The following METAP1 variants were observed in gnomAD, a reference collection of about 807,000 sequenced individuals.
METAP1 encodes methionyl aminopeptidase 1.
A neutral mutation model predicts 53.8 loss-of-function variants in METAP1; 28 were observed. That is an observed-to-expected ratio of 0.52 (90% CI 0.39 to 0.71). The LOEUF is 0.71. Ranked by LOEUF, METAP1 falls within the 30% of genes least tolerant of loss-of-function variation. METAP1 has a pLI of 0.00. For synonymous variants in METAP1, 181 were observed against 165.7 expected (o/e 1.09, Z -0.71); for missense variants, 389 against 479.8 (o/e 0.81, Z 1.77).
At chr4:99,028,967 TG>T (rs1429776178) in intron 2 of METAP1, 49 bp downstream of exon 2, 7 of 1,285,780 alleles carry the variant, frequency 5.4e-6, no homozygotes, top group Non-Finnish European at 7.6e-6. Context: ...AAGTGGCATT[TG>T]TGCCAGAAAA....
chr4:99,000,879 GT>G (rs1722890612), intron 1 of METAP1, among the ~76,000 whole-genome samples: 1 of 151,854 alleles, frequency 6.6e-6, no homozygotes, highest in East Asian at 1.9e-4. Flanking sequence ...AATTTTTTGT[GT>G]TTTTGGTAGA....
intron 1 of METAP1, among the ~76,000 whole-genome samples, chr4:99,020,822 G>T (rs1724063560): frequency 6.6e-6 from 1 of 152,196 alleles, no homozygotes; most frequent in Admixed American, 6.5e-5. Flanking sequence ...TCCACAGAAA[G>T]CAACAATACT....
intron 9 of METAP1, among the ~76,000 whole-genome samples, chr4:99,053,140 C>A (rs1726835487): frequency 6.6e-6 from 1 of 152,208 alleles, no homozygotes; most frequent in South Asian, 2.1e-4. Context: ...CATAGTCATC[C>A]AAAAGGGTTG....
Position 99,061,963 on chromosome 4 carries a change from G to A in METAP1, c.*646G>A, listed in dbSNP as rs1727571289. The A allele has an allele frequency of 6.6e-6, 1 of 152,208 alleles. No individual in the cohort carries two copies. The highest frequency in any genetic ancestry group is 6.5e-5 in the Admixed American group (1 of 15,288). The allele number at this position is 152,208 out of a possible 1,614,324, so 9.4% of individuals were successfully genotyped here. A position where few individuals can be genotyped will look rare whatever the true frequency, so the allele number is the denominator to read the frequency against. On this transcript the variant is annotated 3_prime_UTR_variant, in exon 11 of 11. Transcript: ENST00000296411. ...ACTTTCTCCAATGTGGACTCTGTGTGTCAGTGAATGAATGTAGTAAAATTC... is the reference window on the plus strand; with the variant it reads ...ACTTTCTCCAATGTGGACTCTGTGTATCAGTGAATGAATGTAGTAAAATTC...
At chr4:99,041,943 G>C (rs1025491861) in intron 6 of METAP1, among the ~76,000 whole-genome samples, 9 of 151,418 alleles carry the variant, frequency 5.9e-5, no homozygotes, top group African/African-American at 2.2e-4. Context: ...AGTATAAGAC[G>C]TATCGTATGC....
intron 1 of METAP1, among the ~76,000 whole-genome samples, chr4:99,012,489 A>G (rs1321932812): frequency 2.0e-5 from 3 of 151,566 alleles, no homozygotes; most frequent in African/African-American, 4.8e-5. Context: ...TGGCCAGGCT[A>G]GTCTCGAACT....
chr4:99,009,829 A>G (rs1199365727), intron 1 of METAP1, among the ~76,000 whole-genome samples: 2 of 151,778 alleles, frequency 1.3e-5, no homozygotes, highest in Non-Finnish European at 2.9e-5. Flanking sequence ...GTTACCTTTT[A>G]CTCTGTTGAT....
intron 8 of METAP1, 107 bp downstream of exon 8, chr4:99,045,417 G>T: frequency 7.8e-7 from 1 of 1,275,488 alleles, no homozygotes; most frequent in Non-Finnish European, 1.0e-6. Context: ...GGTTGCCCCT[G>T]TTCTACCTGA....
chr4:99,013,627 G>T (rs936154500), intron 1 of METAP1, among the ~76,000 whole-genome samples: 13 of 152,290 alleles, frequency 8.5e-5, no homozygotes, highest in Middle Eastern at 6.8e-3. Context: ...GTTCCCATTG[G>T]CTGGGATGGG....
intron 2 of METAP1, chr4:99,031,758 T>G: frequency 2.1e-6 from 1 of 484,556 alleles, no homozygotes; most frequent in Non-Finnish European, 3.7e-6. Context: ...CATCTGTAGT[T>G]ATTTTGTGTC....
chr4:99,000,673 TA>T (rs1412892882), intron 1 of METAP1, among the ~76,000 whole-genome samples: 5 of 148,542 alleles, frequency 3.4e-5, no homozygotes, highest in South Asian at 4.2e-4. Context: ...TTTTTTTTTT[TA>T]AATAACAAGA....
intron 1 of METAP1, among the ~76,000 whole-genome samples, chr4:99,004,458 CACACACACACACACACACACACACAT>C (rs1398222876): frequency 7.4e-3 from 198 of 26,914 alleles, no homozygotes; most frequent in African/African-American, 0.022. Context: ...CACACACACA[CACACACACACACACACACACACACAT>C]ACACACACAC....
At chr4:99,022,735 GT>G in intron 1 of METAP1, 1 of 1,572,888 alleles carries the variant, frequency 6.4e-7, no homozygotes. Flanking sequence ...GGCTGCACCT[GT>G]GGGTACCCAT....
chr4:99,042,402 T>C (rs968719359), intron 6 of METAP1, among the ~76,000 whole-genome samples: 1 of 152,172 alleles, frequency 6.6e-6, no homozygotes, highest in Admixed American at 6.5e-5. Flanking sequence ...TTAAAAAATA[T>C]TAGCCTGAAG....
Position 99,048,791 on chromosome 4 carries a change from A to C in METAP1, c.846A>C (p.Ala282=). 1.2e-6 allele frequency: 2 copies of C among 1,614,018 alleles called. No homozygotes were observed. Among genetic ancestry groups the C allele is most frequent in the Non-Finnish European group, 1.7e-6 (2 of 1,179,862 alleles). Residue 282 remains alanine, a synonymous_variant, in exon 9 of 11, where the codon GCA becomes GCC. Coordinates refer to ENST00000296411, the MANE Select transcript of METAP1 (RefSeq NM_015143.3). ...ACATTATCCAGAAGCATGCCCAAGC[A>C]AATGGGTTTTCAGTTGTTCGAAGCT... The part of the protein sequence containing the change: ...LGNIIQKHAQ[A]NGFSVVRSYC...
chr4:99,029,155 A>G (rs1251614262), intron 2 of METAP1, among the ~76,000 whole-genome samples: 1 of 152,190 alleles, frequency 6.6e-6, no homozygotes, highest in Non-Finnish European at 1.5e-5. Context: ...GTTAGTATAG[A>G]TGGATCTTGC....
At chr4:99,004,487 ACAC>A (rs1256597647) in intron 1 of METAP1, among the ~76,000 whole-genome samples, 6 of 27,200 alleles carry the variant, frequency 2.2e-4, no homozygotes, top group African/African-American at 9.4e-4. Flanking sequence ...ACACACATAC[ACAC>A]ACACACACAC....
intron 1 of METAP1, among the ~76,000 whole-genome samples, chr4:99,024,324 A>C (rs924787067): frequency 6.6e-6 from 1 of 152,150 alleles, no homozygotes; most frequent in Non-Finnish European, 1.5e-5. Flanking sequence ...TTGAGACAGG[A>C]GTCTTGCCGA....
At position 99,062,689 on chromosome 4, in the gene METAP1, A is replaced by G. The variant is rs7667424; in HGVS notation, c.*1372A>G. 2 of 152,608 alleles carry G rather than the reference A, an allele frequency of 1.3e-5. No homozygotes were observed. Among genetic ancestry groups the G allele is most frequent in the Admixed American group, 6.5e-5 (1 of 15,284 alleles). 9.5% of individuals were successfully genotyped at this position (152,608 alleles called of 1,614,324 possible). ...GTAAAGTTGACTGAATCTGGTATAG[A>G]CTTTGGGAGTATGTGTGTGAAGTTT... On this transcript the variant is annotated 3_prime_UTR_variant, in exon 11 of 11. Transcript: ENST00000296411.
Sources: allele counts gnomAD v4.1 joint callset (sites outside exome capture counted in the v4.1 genomes callset), GRCh38; gene constraint gnomAD v4.1.1; transcripts MANE v1.5; gene names NCBI Gene and HGNC (gene_info 2026-07-23, HGNC 2026-07-21).